Variants in SEMA5A observed in about 807,000 individuals in gnomAD.
The protein encoded by SEMA5A is semaphorin 5A.
A neutral mutation model predicts 135.5 loss-of-function variants in SEMA5A; 55 were observed. That is an observed-to-expected ratio of 0.41 (90% CI 0.33 to 0.51). The LOEUF (loss-of-function observed/expected upper bound fraction) is 0.51, where lower values mean the gene tolerates loss of function less well. Among genes scored for constraint, SEMA5A ranks in the 20% least tolerant of loss-of-function variants. The probability of loss-of-function intolerance (pLI) is 0.37; values close to 1 mark genes in which losing one functional copy is unlikely to be tolerated. For synonymous variants in SEMA5A, 580 were observed against 546.5 expected (o/e 1.06, Z -0.85); for missense variants, 1,290 against 1,419.9 (o/e 0.91, Z 1.47).
At position 9,419,343 on chromosome 5, in the gene SEMA5A, C is replaced by T. The variant is rs550823723; in HGVS notation, c.-78+18413G>A. Among the ~76,000 whole-genome samples, 306 of 152,070 alleles carry T rather than the reference C, an allele frequency of 2.0e-3. 2 individuals carry two copies. The highest frequency in any genetic ancestry group is 6.9e-3 in the African/African-American group (286 of 41,450). ...GCAGATGAGAAAAATGTATATTCTG[C>T]GGTTGTTGGGTGGAGTGTTCTGTAG... On this transcript the variant is annotated intron_variant, in intron 2 of 22. Coordinates refer to ENST00000382496, the MANE Select transcript of SEMA5A (RefSeq NM_003966.3).
At chr5:9,326,631 A>G (rs1436055025) in intron 4 of SEMA5A, among the ~76,000 whole-genome samples, 2 of 152,098 alleles carry the variant, frequency 1.3e-5, no homozygotes, top group Non-Finnish European at 2.9e-5. Flanking sequence ...TATACAAAAA[A>G]ATTAGCTGGG....
intron 2 of SEMA5A, among the ~76,000 whole-genome samples, chr5:9,386,965 C>T (rs1755920285): frequency 6.6e-6 from 1 of 152,102 alleles, no homozygotes; most frequent in South Asian, 2.1e-4. Flanking sequence ...TCAAGGACTC[C>T]CAGAATTTGG....
At chr5:9,093,880 G>T (rs935765379) in intron 16 of SEMA5A, among the ~76,000 whole-genome samples, 1 of 151,980 alleles carries the variant, frequency 6.6e-6, no homozygotes, top group Non-Finnish European at 1.5e-5. Context: ...CATGTCCTTG[G>T]GTTCACAGCC....
At chr5:9,052,809 T>TAA (rs371276015) in intron 19 of SEMA5A, among the ~76,000 whole-genome samples, 12 of 144,548 alleles carry the variant, frequency 8.3e-5, no homozygotes, top group African/African-American at 2.8e-4. Flanking sequence ...GTAAGAAGGT[T>TAA]AAAAAAAAAA....
chr5:9,535,252 TCTTA>T (rs1308755478), intron 1 of SEMA5A, among the ~76,000 whole-genome samples: 2 of 152,232 alleles, frequency 1.3e-5, no homozygotes, highest in African/African-American at 2.4e-5. Context: ...TCTTTGCGAT[TCTTA>T]CTTGCCAGCT....
At chr5:9,477,455 T>C (rs1196821921) in intron 1 of SEMA5A, among the ~76,000 whole-genome samples, 1 of 152,170 alleles carries the variant, frequency 6.6e-6, no homozygotes, top group Non-Finnish European at 1.5e-5. Flanking sequence ...TCCTAGAGAC[T>C]TGTTGAATGA....
At chr5:9,456,516 A>G (rs1038195713) in intron 1 of SEMA5A, among the ~76,000 whole-genome samples, 14 of 152,222 alleles carry the variant, frequency 9.2e-5, no homozygotes, top group African/African-American at 3.4e-4. Flanking sequence ...GGCAGAGCAC[A>G]ATTAAGGACA....
intron 2 of SEMA5A, among the ~76,000 whole-genome samples, chr5:9,399,241 T>C (rs554767846): frequency 6.6e-6 from 1 of 152,300 alleles, no homozygotes; most frequent in Admixed American, 6.5e-5. Context: ...GAAAATGTGG[T>C]AGATGCTACA....
intron 4 of SEMA5A, among the ~76,000 whole-genome samples, chr5:9,322,522 T>C (rs1015787913): frequency 2.0e-5 from 3 of 152,186 alleles, no homozygotes; most frequent in Admixed American, 6.5e-5. Flanking sequence ...CTTTTTGTAG[T>C]ATTTTCTGGG....
At chr5:9,509,561 C>T (rs890880746) in intron 1 of SEMA5A, among the ~76,000 whole-genome samples, 6 of 152,148 alleles carry the variant, frequency 3.9e-5, no homozygotes, top group Admixed American at 1.3e-4. Flanking sequence ...AGGCATGAGC[C>T]ACCATGCCCG....
In SEMA5A at chr5:9,319,198, T is replaced by C. The variant is rs117125450; in HGVS notation, c.225-781A>G. On this transcript the variant is annotated intron_variant, in intron 4 of 22. Coordinates refer to ENST00000382496, the MANE Select transcript of SEMA5A (RefSeq NM_003966.3). ...CAGCCAGGGTGACAGGGCGAGACCC[T>C]GTCTCAAAAATAAATAAATAAATAA... Among the ~76,000 whole-genome samples the C allele has an allele frequency of 5.1e-4, 78 of 152,156 alleles. 1 individual carries two copies. The East Asian group carries it at 0.015, about 29-fold the overall frequency.
chr5:9,339,393 C>T (rs1335477541), intron 3 of SEMA5A, among the ~76,000 whole-genome samples: 1 of 152,134 alleles, frequency 6.6e-6, no homozygotes, highest in African/African-American at 2.4e-5. Context: ...CATGGTGCCC[C>T]CTGTGGCCAT....
chr5:9,212,257 C>T (rs1746382775), intron 8 of SEMA5A, among the ~76,000 whole-genome samples: 1 of 152,224 alleles, frequency 6.6e-6, no homozygotes, highest in African/African-American at 2.4e-5. Flanking sequence ...TTCTTGAAGG[C>T]AAGTTTTATT....
chr5:9,508,469 G>A (rs1169619510), intron 1 of SEMA5A, among the ~76,000 whole-genome samples: 1 of 152,204 alleles, frequency 6.6e-6, no homozygotes, highest in Non-Finnish European at 1.5e-5. Flanking sequence ...GGGATAGTTT[G>A]TAAAATTCCC....
chr5:9,265,202 G>A (rs1355071148), intron 5 of SEMA5A, among the ~76,000 whole-genome samples: 3 of 152,100 alleles, frequency 2.0e-5, no homozygotes, highest in Non-Finnish European at 4.4e-5. Flanking sequence ...CCACGGTCGT[G>A]TGCTAGCTCA....
At chr5:9,359,414 C>T (rs1754594539) in intron 3 of SEMA5A, among the ~76,000 whole-genome samples, 1 of 152,192 alleles carries the variant, frequency 6.6e-6, no homozygotes, top group African/African-American at 2.4e-5. Flanking sequence ...TTGAACTTGA[C>T]ATTGCTATGC....
At chr5:9,228,396 C>T (rs972426255) in intron 6 of SEMA5A, among the ~76,000 whole-genome samples, 10 of 152,158 alleles carry the variant, frequency 6.6e-5, no homozygotes, top group African/African-American at 1.2e-4. Flanking sequence ...GTCAAAGTGT[C>T]GTGGCTAGAG....
At chr5:9,127,825 G>A (rs1741199115) in intron 13 of SEMA5A, among the ~76,000 whole-genome samples, 1 of 152,090 alleles carries the variant, frequency 6.6e-6, no homozygotes, top group Non-Finnish European at 1.5e-5. Context: ...GAGGTTCCTA[G>A]GATCTCCTTA....
At chr5:9,277,670 A>G (rs1211112007) in intron 5 of SEMA5A, among the ~76,000 whole-genome samples, 1 of 152,208 alleles carries the variant, frequency 6.6e-6, no homozygotes, top group Non-Finnish European at 1.5e-5. Flanking sequence ...GTACAGGGAC[A>G]TGGATGATGC....
Sources: allele counts gnomAD v4.1 joint callset (sites outside exome capture counted in the v4.1 genomes callset), GRCh38; gene constraint gnomAD v4.1.1; transcripts MANE v1.5; gene names NCBI Gene and HGNC (gene_info 2026-07-23, HGNC 2026-07-21).